Variants in TCF4 observed in about 807,000 individuals in gnomAD.
The protein encoded by TCF4 is SL3-3 enhancer factor 2.
TCF4 carries 3 observed loss-of-function variants against 82.1 expected under a neutral mutation model. That is an observed-to-expected ratio of 0.04 (90% CI 0.02 to 0.09). TCF4 has a LOEUF of 0.09. TCF4 is among the 10% of genes least tolerant of loss of function. TCF4 has a pLI of 1.00. For missense variants in TCF4, 518 were observed against 852.7 expected (o/e 0.61, Z 4.89); for synonymous variants, 276 against 309.6 (o/e 0.89, Z 1.14).
chr18:55,612,616 A>T (rs531241596), intron 2 of TCF4, among the ~76,000 whole-genome samples: 2 of 152,040 alleles, frequency 1.3e-5, no homozygotes, highest in African/African-American at 4.8e-5. Flanking sequence ...TGGCTGTTTT[A>T]TTTTTTTAAA....
intron 8 of TCF4, among the ~76,000 whole-genome samples, chr18:55,307,424 T>C (rs2070739104): frequency 6.6e-6 from 1 of 152,258 alleles, no homozygotes; most frequent in African/African-American, 2.4e-5. Flanking sequence ...TTGGCTGTTG[T>C]ATCACTGAAA....
intron 6 of TCF4, among the ~76,000 whole-genome samples, chr18:55,356,955 ACAC>A (rs1231483094): frequency 6.6e-6 from 1 of 152,138 alleles, no homozygotes; most frequent in African/African-American, 2.4e-5. Context: ...ATAAGGAAAC[ACAC>A]CACCTTATAT....
intron 3 of TCF4, among the ~76,000 whole-genome samples, chr18:55,560,273 A>G (rs1386272945): frequency 6.6e-6 from 1 of 152,218 alleles, no homozygotes; most frequent in African/African-American, 2.4e-5. Flanking sequence ...TGTTCAATAA[A>G]AGAATTCAAG....
chr18:55,317,523 G>A (rs2074445926), intron 8 of TCF4, among the ~76,000 whole-genome samples: 1 of 151,982 alleles, frequency 6.6e-6, no homozygotes, highest in Non-Finnish European at 1.5e-5. Flanking sequence ...CCAACCAACT[G>A]TGAGGTTTGG....
At chr18:55,625,475 G>A (rs1461444799) in intron 2 of TCF4, among the ~76,000 whole-genome samples, 1 of 152,062 alleles carries the variant, frequency 6.6e-6, no homozygotes, top group African/African-American at 2.4e-5. Context: ...CTGACCTTGT[G>A]GTCCACCCGC....
At chr18:55,399,914 AC>A (rs1166645843) in intron 6 of TCF4, among the ~76,000 whole-genome samples, 2 of 150,648 alleles carry the variant, frequency 1.3e-5, no homozygotes, top group African/African-American at 2.5e-5. Context: ...ACACACACAC[AC>A]ACACACACAC....
chr18:55,497,862 A>G (rs1264574805), intron 3 of TCF4, among the ~76,000 whole-genome samples: 1 of 152,218 alleles, frequency 6.6e-6, no homozygotes, highest in Admixed American at 6.5e-5. Flanking sequence ...GGAAGGGGAA[A>G]AAAAAACCTC....
chr18:55,610,492 T>G (rs2097706050), intron 2 of TCF4, among the ~76,000 whole-genome samples: 1 of 152,198 alleles, frequency 6.6e-6, no homozygotes, highest in South Asian at 2.1e-4. Flanking sequence ...TGTTGGTGAC[T>G]TGGTGAGTGT....
intron 15 of TCF4, among the ~76,000 whole-genome samples, chr18:55,235,076 C>A (rs2048985658): frequency 6.6e-6 from 1 of 152,158 alleles, no homozygotes; most frequent in Admixed American, 6.5e-5. Context: ...TATCGGAAAT[C>A]CTACAGGAAT....
In TCF4 at chr18:55,225,029, T is replaced by C. The variant is rs1211009152; in HGVS notation, c.*3006A>G. ...ATACCAATATCTTACCTGGGTTTGA[T>C]AATTACAAAACAACAACAATAAAAA... On this transcript the variant is annotated 3_prime_UTR_variant, in exon 20 of 20. Coordinates refer to ENST00000354452, the MANE Select transcript of TCF4 (RefSeq NM_001083962.2). The C allele has an allele frequency of 6.6e-6, 1 of 152,162 alleles. No homozygotes were observed. The highest frequency in any genetic ancestry group is 1.5e-5 in the Non-Finnish European group (1 of 68,010). 9.4% of individuals were successfully genotyped at this position (152,162 alleles called of 1,614,324 possible). A position where few individuals can be genotyped will look rare whatever the true frequency, so the allele number is the denominator to read the frequency against.
chr18:55,465,471 C>G (rs2095993869), intron 3 of TCF4, among the ~76,000 whole-genome samples: 2 of 151,652 alleles, frequency 1.3e-5, no homozygotes, highest in Non-Finnish European at 2.9e-5. Flanking sequence ...GGTGCTTCAG[C>G]AGATAACACA....
chr18:55,483,568 CCT>C (rs1428299870), intron 3 of TCF4, among the ~76,000 whole-genome samples: 1 of 152,156 alleles, frequency 6.6e-6, no homozygotes, highest in Non-Finnish European at 1.5e-5. Context: ...TGCCTTATCC[CCT>C]GACAGAAATA....
chr18:55,494,312 A>G (rs904453504), intron 3 of TCF4, among the ~76,000 whole-genome samples: 3 of 152,042 alleles, frequency 2.0e-5, no homozygotes, highest in African/African-American at 7.2e-5. Flanking sequence ...AAAAAAAGAA[A>G]TGAAAAACTG....
At chr18:55,554,245 T>C (rs2097284609) in intron 3 of TCF4, among the ~76,000 whole-genome samples, 1 of 152,074 alleles carries the variant, frequency 6.6e-6, no homozygotes, top group Non-Finnish European at 1.5e-5. Flanking sequence ...AATTTAGAAA[T>C]GTATTTTCTC....
intron 6 of TCF4, chr18:55,401,007 A>G (rs2093783116): frequency 3.1e-6 from 4 of 1,289,028 alleles, no homozygotes; most frequent in Non-Finnish European, 4.0e-6. Context: ...TCACCTTGTC[A>G]CACAGTGGGG....
intron 15 of TCF4, among the ~76,000 whole-genome samples, chr18:55,249,498 G>A (rs2054346265): frequency 1.3e-5 from 2 of 152,122 alleles, no homozygotes; most frequent in Admixed American, 1.3e-4. Flanking sequence ...TAAGTCAACT[G>A]GAGATGACCA....
At chr18:55,368,780 T>C (rs1569223838) in intron 6 of TCF4, among the ~76,000 whole-genome samples, 1 of 152,212 alleles carries the variant, frequency 6.6e-6, no homozygotes, top group Non-Finnish European at 1.5e-5. Context: ...TTAAGAAGAC[T>C]TCAAAGTCAT....
intron 3 of TCF4, among the ~76,000 whole-genome samples, chr18:55,525,848 T>C (rs1452793290): frequency 6.6e-6 from 1 of 152,148 alleles, no homozygotes; most frequent in Non-Finnish European, 1.5e-5. Flanking sequence ...CAATAAGGCT[T>C]ACCCCAGTTT....
intron 1 of TCF4, among the ~76,000 whole-genome samples, chr18:55,587,374 A>G (rs1480645676): frequency 9.2e-6 from 1 of 108,430 alleles, no homozygotes; most frequent in South Asian, 3.1e-4. Context: ...AAAAAAAAAA[A>G]GCGATATTGT....
Sources: allele counts gnomAD v4.1 joint callset (sites outside exome capture counted in the v4.1 genomes callset), GRCh38; gene constraint gnomAD v4.1.1; transcripts MANE v1.5; gene names NCBI Gene and HGNC (gene_info 2026-07-23, HGNC 2026-07-21).